PIN4: variants seen among roughly 807,000 people sequenced by gnomAD.
PIN4 encodes the protein peptidyl-prolyl cis-trans isomerase NIMA-interacting 4.
A neutral mutation model predicts 8.3 loss-of-function variants in PIN4; 3 were observed. The ratio of observed to expected loss-of-function variants is 0.36; its 90% CI spans 0.16 to 0.93. The LOEUF (loss-of-function observed/expected upper bound fraction) is 0.93, where lower values mean the gene tolerates loss of function less well. Ranked by LOEUF, PIN4 falls within the 40% of genes least tolerant of loss-of-function variation. The pLI is 0.44. For synonymous variants in PIN4, 18 were observed against 32.5 expected (o/e 0.55, Z 1.52); for missense variants, 75 against 100.6 (o/e 0.75, Z 1.09).
chrX:72,185,431 CTG>C (rs2042698016), intron 1 of PIN4, among the ~76,000 whole-genome samples: 1 of 111,932 alleles, frequency 8.9e-6, no homozygotes, highest in Non-Finnish European at 1.9e-5. Flanking sequence ...CAGTGTCCCT[CTG>C]TGCTTCCACA....
In PIN4 at chrX:72,260,868, A is replaced by G. The variant is rs757563039; in HGVS notation, c.313-1839A>G. On this transcript the variant is annotated intron_variant, in intron 3 of 3. Coordinates refer to the PIN4 transcript ENST00000423432. The stretch of plus-strand genomic sequence containing the variant: ...AAACCAATCCCTTCTTTCCGTCCCC[A>G]TGGCTGTCTCTCTAGGCCAAGCCAC... Among the ~76,000 whole-genome samples the G allele has an allele frequency of 4.2e-3, 471 of 111,839 alleles. 1 individual carries two copies. Among genetic ancestry groups the G allele is most frequent in the Middle Eastern group, 0.014 (3 of 218 alleles).
intron 3 of PIN4, among the ~76,000 whole-genome samples, chrX:72,222,561 G>A (rs916985336): frequency 2.8e-5 from 3 of 106,001 alleles, no homozygotes; most frequent in African/African-American, 1.0e-4. Flanking sequence ...GAAAAACTCA[G>A]AGAAATTACA....
chrX:72,189,331 T>G (rs756847612), intron 2 of PIN4, among the ~76,000 whole-genome samples: 33 of 111,549 alleles, frequency 3.0e-4, no homozygotes, highest in Non-Finnish European at 5.3e-4. Flanking sequence ...CTCTTGGCCT[T>G]TTATAACTAT....
chrX:72,241,146 C>T (rs1463880721), intron 3 of PIN4, among the ~76,000 whole-genome samples: 1 of 111,397 alleles, frequency 9.0e-6, no homozygotes. Flanking sequence ...GTGTTTGAAT[C>T]ACATCTTTTC....
chrX:72,207,858 G>T (rs1035123324), intron 3 of PIN4: 6 of 1,208,153 alleles, frequency 5.0e-6, no homozygotes, highest in Non-Finnish European at 6.7e-6. Flanking sequence ...TTTCTCCTGG[G>T]GTAGCATCCT....
At chrX:72,189,952 C>A (rs766296278) in intron 2 of PIN4, among the ~76,000 whole-genome samples, 1 of 110,729 alleles carries the variant, frequency 9.0e-6, no homozygotes, top group Non-Finnish European at 1.9e-5. Flanking sequence ...CAGACCCCAC[C>A]CCTGTGCCCA....
chrX:72,199,151 G>T (rs2042780417), downstream of PIN4: 1 of 111,611 alleles, frequency 9.0e-6, no homozygotes, highest in Non-Finnish European at 1.9e-5. Flanking sequence ...GGGCTCAAAT[G>T]ACCCTTCTGC....
At chrX:72,250,135 C>T (rs925662813) in intron 3 of PIN4, among the ~76,000 whole-genome samples, 1 of 109,031 alleles carries the variant, frequency 9.2e-6, no homozygotes, top group African/African-American at 3.3e-5. Context: ...CCCACTATCA[C>T]AAGCAGAGGT....
rs1012235097 is a variant in PIN4 at position 72,197,630 on chromosome X, A to T, written c.*104A>T. Reference sequence around the variant, plus strand: ...CAAGGAAATACAAAAATTTTTAAAAAGAAAAGATATTGGATGCTCCTTGTA... The same window carrying T: ...CAAGGAAATACAAAAATTTTTAAAATGAAAAGATATTGGATGCTCCTTGTA... On this transcript the variant is annotated 3_prime_UTR_variant, in exon 4 of 4. Coordinates refer to ENST00000373669, the MANE Select transcript of PIN4 (RefSeq NM_006223.4). The T allele has an allele frequency of 9.1e-7, 1 of 1,094,105 alleles. No individual in the cohort carries two copies. Among genetic ancestry groups the T allele is most frequent in the African/African-American group, 1.9e-5 (1 of 53,415 alleles). The allele number at this position is 1,094,105 out of a possible 1,213,427, so 90.2% of individuals were successfully genotyped here. A position where few individuals can be genotyped will look rare whatever the true frequency, so the allele number is the denominator to read the frequency against.
In PIN4 at chrX:72,230,711, C is replaced by T. The variant is rs549127322; in HGVS notation, c.313-31996C>T. Among the ~76,000 whole-genome samples, 3 of 112,111 alleles carry T rather than the reference C, an allele frequency of 2.7e-5. No individual in the cohort carries two copies. The East Asian group carries it at 8.4e-4, about 31-fold the overall frequency. On this transcript the variant is annotated intron_variant, in intron 3 of 3. Transcript: ENST00000423432. ...GGCATGGTGCTTCACGCCTGTAATC[C>T]CAGCACTTTGGGAGGCCTAGGGTGG...
rs746615702 is a variant in PIN4 at position 72,220,802 on chromosome X, C to T, written c.312+23898C>T. Among the ~76,000 whole-genome samples, 5 of 111,977 alleles carry T rather than the reference C, an allele frequency of 4.5e-5. No homozygotes were observed. In the South Asian group the frequency reaches 1.9e-3, roughly 42 times the overall value. ...ACTCCTGACCAAAATTGGCCAGAAA[C>T]CCCTCTCAGGTTTTATCTAAAGTAA... On this transcript the variant is annotated intron_variant, in intron 3 of 3. Transcript: ENST00000423432.
chrX:72,197,609 G>A lies in PIN4; in HGVS notation c.*83G>A, dbSNP rs1230302948. The A allele has an allele frequency of 1.8e-6, 2 of 1,107,033 alleles. No individual in the cohort carries two copies. The highest frequency in any genetic ancestry group is 3.2e-5 in the Admixed American group (1 of 31,002). The allele number at this position is 1,107,033 out of a possible 1,213,427, so 91.2% of individuals were successfully genotyped here. A position where few individuals can be genotyped will look rare whatever the true frequency, so the allele number is the denominator to read the frequency against. On this transcript the variant is annotated 3_prime_UTR_variant, in exon 4 of 4. Coordinates refer to ENST00000373669, the MANE Select transcript of PIN4 (RefSeq NM_006223.4). The stretch of plus-strand genomic sequence containing the variant: ...TATTCTTTTGAGCTGGAGCTGCAAG[G>A]AAATACAAAAATTTTTAAAAAGAAA...
chrX:72,254,417 C>T (rs759739779), intron 3 of PIN4, among the ~76,000 whole-genome samples: 1 of 112,150 alleles, frequency 8.9e-6, no homozygotes, highest in South Asian at 3.7e-4. Context: ...GCCCATACCA[C>T]GATTTAAAAG....
At chrX:72,230,232 A>C (rs1048725409) in intron 3 of PIN4, among the ~76,000 whole-genome samples, 2 of 110,614 alleles carry the variant, frequency 1.8e-5, no homozygotes, top group Admixed American at 9.7e-5. Context: ...TTGAAGAGCA[A>C]CCTCATCATA....
At chrX:72,255,273 A>AAATAATAATAAT (rs760269851) in intron 3 of PIN4, among the ~76,000 whole-genome samples, 14,317 of 96,205 alleles carry the variant, frequency 0.15, 1,039 homozygotes, top group East Asian at 0.35. Flanking sequence ...CCATCTCTAA[A>AAATAATAATAAT]AATAATAATA....
intron 3 of PIN4, chrX:72,206,621 CTTTAT>C: frequency 8.3e-7 from 1 of 1,211,283 alleles, no homozygotes; most frequent in Non-Finnish European, 1.1e-6. Context: ...ATCAGGAACT[CTTTAT>C]TTTGAGACTC....
chrX:72,232,126 T>C (rs1359564478), intron 3 of PIN4, among the ~76,000 whole-genome samples: 1 of 109,932 alleles, frequency 9.1e-6, no homozygotes, highest in Non-Finnish European at 1.9e-5. Context: ...TATAATTATG[T>C]GTCAATTATA....
rs1038293724 is a variant in PIN4 at position 72,198,023 on chromosome X, G to A, written c.*497G>A. On this transcript the variant is annotated 3_prime_UTR_variant, in exon 4 of 4. Transcript: ENST00000373669. ...TAGCTCCACTGTCTTAACATAGTAC[G>A]TGGCACGTTATGCCTTTCAGTGTTA... 9.4e-6 allele frequency: 7 copies of A among 742,326 alleles called. No homozygotes were observed. Among genetic ancestry groups the A allele is most frequent in the South Asian group, 1.4e-4 (2 of 14,548 alleles). 61.2% of individuals were successfully genotyped at this position (742,326 alleles called of 1,213,427 possible).
downstream of PIN4, among the ~76,000 whole-genome samples, chrX:72,202,314 T>A (rs1414559284): frequency 2.7e-5 from 3 of 112,594 alleles, no homozygotes; most frequent in African/African-American, 9.7e-5. Context: ...AACAACAGAA[T>A]TTGTCATAGT....
Sources: gnomAD v4.1 joint callset for allele counts (sites outside exome capture counted in the v4.1 genomes callset) on GRCh38, gnomAD v4.1.1 for gene constraint, MANE v1.5 for transcripts, NCBI Gene and HGNC (gene_info 2026-07-23, HGNC 2026-07-21) for gene names.